Variants in RPS6KC1 observed in about 807,000 individuals in gnomAD.
RPS6KC1 encodes ribosomal protein S6 kinase C1.
A neutral mutation model predicts 103.8 loss-of-function variants in RPS6KC1; 54 were observed. That is an observed-to-expected ratio of 0.52 (90% confidence interval 0.42 to 0.65). The LOEUF is 0.65. RPS6KC1 is among the 30% of genes least tolerant of loss of function. RPS6KC1 has a pLI of 0.00. For synonymous variants in RPS6KC1, 439 were observed against 438.7 expected (o/e 1.00, Z -0.01); for missense variants, 1,151 against 1,253.8 (o/e 0.92, Z 1.24).
chr1:213,330,576 C>T, the RPS6KC1 span, among the ~76,000 whole-genome samples: 1 of 152,248 alleles, frequency 6.6e-6, no homozygotes, highest in Non-Finnish European at 1.5e-5. Context: ...AATGCCCCCA[C>T]CCCTTCTTGG....
At chr1:213,696,458 C>T in the RPS6KC1 span, among the ~76,000 whole-genome samples, 6 of 146,124 alleles carry the variant, frequency 4.1e-5, no homozygotes, top group Non-Finnish European at 7.4e-5. Context: ...GCCGAGATCA[C>T]GCCGTTGCAC....
chr1:213,056,805 G>C (rs2148295969), intron 1 of RPS6KC1, among the ~76,000 whole-genome samples: 1 of 150,762 alleles, frequency 6.6e-6, no homozygotes, highest in South Asian at 2.1e-4. Flanking sequence ...CTTTTGTCTT[G>C]GCAATCTCTG....
the RPS6KC1 span, among the ~76,000 whole-genome samples, chr1:213,514,027 C>T: frequency 2.3e-3 from 347 of 152,318 alleles, 1 homozygote; most frequent in African/African-American, 8.0e-3. Context: ...ACAGTTTTCT[C>T]ATTTCCAGTC....
At chr1:213,166,309 G>T (rs2090961879) in intron 6 of RPS6KC1, among the ~76,000 whole-genome samples, 1 of 152,188 alleles carries the variant, frequency 6.6e-6, no homozygotes, top group Non-Finnish European at 1.5e-5. Context: ...AATGACAATG[G>T]AAATAGCAGA....
At chr1:213,617,516 G>A in the RPS6KC1 span, among the ~76,000 whole-genome samples, 1 of 152,178 alleles carries the variant, frequency 6.6e-6, no homozygotes, top group African/African-American at 2.4e-5. Flanking sequence ...GGGGACACAA[G>A]CCATTTACCC....
chr1:213,397,520 T>C, the RPS6KC1 span, among the ~76,000 whole-genome samples: 2 of 148,692 alleles, frequency 1.3e-5, no homozygotes, highest in African/African-American at 5.0e-5. Flanking sequence ...GCACCAAGGG[T>C]GGTCCTGAAA....
the RPS6KC1 span, among the ~76,000 whole-genome samples, chr1:213,620,272 G>T: frequency 6.6e-6 from 1 of 152,300 alleles, no homozygotes; most frequent in African/African-American, 2.4e-5. Context: ...CTTCACACTG[G>T]GTCACTCAAT....
the RPS6KC1 span, among the ~76,000 whole-genome samples, chr1:213,502,001 C>A: frequency 2.8e-5 from 4 of 144,766 alleles, no homozygotes; most frequent in Non-Finnish European, 6.2e-5. Context: ...TAGAATTTAC[C>A]TCATGGTTGC....
the RPS6KC1 span, among the ~76,000 whole-genome samples, chr1:213,550,517 T>C: frequency 6.6e-6 from 1 of 152,116 alleles, no homozygotes; most frequent in African/African-American, 2.4e-5. Context: ...CGCCACTCTG[T>C]ATGCACCGGC....
intron 3 of RPS6KC1, among the ~76,000 whole-genome samples, chr1:213,090,881 G>A (rs2080896546): frequency 6.6e-6 from 1 of 152,132 alleles, no homozygotes; most frequent in Non-Finnish European, 1.5e-5. Context: ...AAGCAAAAAA[G>A]AAATAGCAAG....
the RPS6KC1 span, among the ~76,000 whole-genome samples, chr1:213,783,696 T>C: frequency 2.6e-5 from 4 of 151,952 alleles, no homozygotes; most frequent in Non-Finnish European, 5.9e-5. Context: ...TTTGGAGCCA[T>C]TATCATTTCT....
chr1:213,375,773 T>G, the RPS6KC1 span, among the ~76,000 whole-genome samples: 2 of 151,962 alleles, frequency 1.3e-5, no homozygotes, highest in South Asian at 4.2e-4. Context: ...GGGACCTATG[T>G]TTTGTCAGGA....
chr1:213,473,689 G>C, the RPS6KC1 span, among the ~76,000 whole-genome samples: 3 of 152,180 alleles, frequency 2.0e-5, no homozygotes, highest in Admixed American at 2.0e-4. Flanking sequence ...CAACAATCTT[G>C]GGATATTTGC....
intron 8 of RPS6KC1, among the ~76,000 whole-genome samples, chr1:213,192,982 G>T (rs758884899): frequency 6.6e-6 from 1 of 151,384 alleles, no homozygotes; most frequent in African/African-American, 2.4e-5. Flanking sequence ...CTTAATTTCC[G>T]TGTATTTCTG....
At chr1:213,096,905 T>C (rs942867864) in intron 3 of RPS6KC1, among the ~76,000 whole-genome samples, 1 of 152,142 alleles carries the variant, frequency 6.6e-6, no homozygotes, top group Non-Finnish European at 1.5e-5. Flanking sequence ...CACAGAAATA[T>C]ATAGGTAAAT....
the RPS6KC1 span, among the ~76,000 whole-genome samples, chr1:213,679,281 C>T: frequency 6.6e-6 from 1 of 152,188 alleles, no homozygotes; most frequent in Non-Finnish European, 1.5e-5. Context: ...TGCCCTATGT[C>T]CTTCCATACT....
chr1:213,306,245 T>A, the RPS6KC1 span, among the ~76,000 whole-genome samples: 4 of 152,336 alleles, frequency 2.6e-5, no homozygotes, highest in African/African-American at 9.6e-5. Context: ...ATGGCCTCAC[T>A]TAATTGCCAG....
chr1:213,429,509 C>G, the RPS6KC1 span, among the ~76,000 whole-genome samples: 1 of 152,318 alleles, frequency 6.6e-6, no homozygotes, highest in Middle Eastern at 3.4e-3. Context: ...CCCTCGCTAC[C>G]TTTTTATTGG....
intron 6 of RPS6KC1, among the ~76,000 whole-genome samples, chr1:213,151,920 G>A (rs1268436862): frequency 8.1e-6 from 1 of 123,346 alleles, no homozygotes; most frequent in Admixed American, 7.4e-5. Flanking sequence ...GGCTGGCCGG[G>A]CGGGGGGCTG....
Sources: allele counts gnomAD v4.1 joint callset (sites outside exome capture counted in the v4.1 genomes callset), GRCh38; gene constraint gnomAD v4.1.1; transcripts MANE v1.5; gene names NCBI Gene and HGNC (gene_info 2026-07-23, HGNC 2026-07-21).